ABCA7: variants seen among roughly 807,000 people sequenced by gnomAD.
ABCA7 encodes the protein phospholipid-transporting ATPase ABCA7.
Under a neutral mutation model 227.6 loss-of-function variants are expected in ABCA7, and 261 were observed. The observed-to-expected ratio is 1.15, with a 90% CI of 1.04 to 1.27. The LOEUF is 1.27. Ranked by LOEUF, ABCA7 falls within the 50% of genes most tolerant of loss-of-function variation. The pLI, the probability that ABCA7 is intolerant of heterozygous loss-of-function variation, is 0.00. For missense variants in ABCA7, 3,331 were observed against 2,924.5 expected (o/e 1.14, Z -3.21); for synonymous variants, 1,488 against 1,279.7 (o/e 1.16, Z -3.47).
chr19:1,060,869 C>T (rs1350779777), intron 40 of ABCA7, among the ~76,000 whole-genome samples: 1 of 152,036 alleles, frequency 6.6e-6, no homozygotes, highest in Non-Finnish European at 1.5e-5. Context: ...AACCTCTCTA[C>T]CTTGGGCTGA....
In ABCA7 at chr19:1,045,237, G is replaced by T; in HGVS notation, c.1445+6G>T. 3.7e-6 allele frequency: 6 copies of T among 1,607,528 alleles called. No homozygotes were observed. Among genetic ancestry groups the T allele is most frequent in the Non-Finnish European group, 5.1e-6 (6 of 1,177,838 alleles). ...ACCAATAAGATCAGGGACAGGTCAG[G>T]CGAGGGAGGGGGCGGGGGGATGAGG... On this transcript the variant is annotated splice_donor_region_variant and intron_variant, in intron 12 of 46. Transcript: ENST00000263094.
chr19:1,057,779 A>AG, intron 35 of ABCA7, 136 bp from the exon 36 acceptor site: 1 of 1,193,364 alleles, frequency 8.4e-7, no homozygotes, highest in Non-Finnish European at 1.1e-6. Flanking sequence ...GAGAGAAAGA[A>AG]AAAAAAAAAA....
At chr19:1,062,419 C>T (rs546969605) in intron 42 of ABCA7, 106 bp downstream of exon 42, 2 of 1,506,498 alleles carry the variant, frequency 1.3e-6, no homozygotes, top group Non-Finnish European at 1.8e-6. Flanking sequence ...TTGGCTCCAT[C>T]CCTGTCCCTG....
intron 10 of ABCA7, among the ~76,000 whole-genome samples, chr19:1,044,238 CTT>C (rs4147941): frequency 6.9e-4 from 48 of 69,652 alleles, no homozygotes; most frequent in Non-Finnish European, 9.0e-4. Context: ...CCACGTCCTG[CTT>C]TTTTTTTTTT....
At chr19:1,060,207 A>ATATATATATTTTTTTTT in intron 40 of ABCA7, among the ~76,000 whole-genome samples, 1 of 96,770 alleles carries the variant, frequency 1.0e-5, no homozygotes, top group African/African-American at 3.5e-5. Flanking sequence ...ATATATATAT[A>ATATATATATTTTTTTTT]TTTTTTTTTC....
Position 1,050,997 on chromosome 19 carries a change from G to A in ABCA7, c.2629G>A (p.Ala877Thr), listed in dbSNP as rs74176364. The A allele has an allele frequency of 1.0e-2, 16,100 of 1,612,274 alleles. 388 individuals carry two copies. Among genetic ancestry groups the A allele is most frequent in the Admixed American group, 0.092 (5,542 of 59,950 alleles). ...GGGCCACGACGTCCGCTCCAGCATG[G>A]CCGCCATCCGGCCCCACCTGGGCGT... ...ILGHDVRSSM[A>T]AIRPHLGVCP... The change falls in exon 19 of 47, where the codon GCC becomes ACC. Residue 877 changes from alanine (A) to threonine (T), a missense_variant. Ala to Thr is a moderately conservative substitution (Grantham distance 58). Coordinates refer to ENST00000263094, the MANE Select transcript of ABCA7 (RefSeq NM_019112.4).
Position 1,046,267 on chromosome 19 carries a change from G to A in ABCA7, c.1483G>A (p.Asp495Asn), listed in dbSNP as rs370047554. The A allele has an allele frequency of 1.9e-6, 3 of 1,607,008 alleles. No homozygotes were observed. The highest frequency in any genetic ancestry group is 2.2e-5 in the East Asian group (1 of 44,880). ...DPGPAADPLT[D>N]LRYVWGGFVY... is the part of the protein sequence containing the mutation. ...TGGCCCAGCCGCGGACCCCCTGACC[G>A]ACCTGCGCTACGTGTGGGGCGGCTT... The change falls in exon 13 of 47, where the codon GAC becomes AAC. Residue 495 changes from aspartate (D) to asparagine (N), a missense_variant. Transcript: ENST00000263094.
intron 21 of ABCA7, 142 bp downstream of exon 21, chr19:1,051,728 A>C: frequency 9.5e-7 from 1 of 1,053,202 alleles, no homozygotes; most frequent in South Asian, 1.6e-5. Flanking sequence ...TACTGCTCAA[A>C]TACCGAGACA....
At chr19:1,046,176 GC>G in intron 12 of ABCA7, 53 bp from the exon 13 acceptor site, 5 of 1,584,240 alleles carry the variant, frequency 3.2e-6, no homozygotes, top group Non-Finnish European at 3.4e-6. Flanking sequence ...TCAGGGTGGG[GC>G]CCCGGGAGTT....
At position 1,059,263 on chromosome 19, in the gene ABCA7, A is replaced by ATTTATTTT; in HGVS notation, c.5463+185_5463+186insTTTTATTT. The stretch of plus-strand genomic sequence containing the variant: ...TTATTATATTATTATTTATTTATTT[A>ATTTATTTT]TTTATTTATTTATTTATTTGAGATG... On this transcript the variant is annotated intron_variant, in intron 40 of 46. Transcript: ENST00000263094. The ATTTATTTT allele has an allele frequency of 8.7e-6, 2 of 231,022 alleles. 1 individual carries two copies. The highest frequency in any genetic ancestry group is 1.4e-5 in the Non-Finnish European group (2 of 138,604). 14.3% of individuals were successfully genotyped at this position (231,022 alleles called of 1,614,324 possible).
At chr19:1,053,227 C>T (rs2041932637) in intron 23 of ABCA7, 102 bp from the exon 24 acceptor site, 1 of 1,253,230 alleles carries the variant, frequency 8.0e-7, no homozygotes, top group Non-Finnish European at 1.1e-6. Flanking sequence ...TGATCTCTGT[C>T]TGCCGGGACA....
intron 13 of ABCA7, 39 bp from the exon 14 acceptor site, chr19:1,046,763 G>A (rs1350101993): frequency 2.0e-6 from 3 of 1,522,198 alleles, no homozygotes; most frequent in Admixed American, 2.0e-5. Flanking sequence ...GGGGTCTGCG[G>A]AGGGTCTCCA....
chr19:1,059,238 TTATTA>T (rs1157517718), intron 40 of ABCA7, 153 bp downstream of exon 40: 1 of 323,806 alleles, frequency 3.1e-6, no homozygotes, highest in Non-Finnish European at 5.1e-6. Context: ...TATTTTTATT[TTATTA>T]TATTATTATT....
intron 35 of ABCA7, 138 bp downstream of exon 35, chr19:1,057,567 T>C: frequency 1.1e-6 from 1 of 900,082 alleles, no homozygotes; most frequent in Non-Finnish European, 1.7e-6. Flanking sequence ...TGTGATCCAA[T>C]TCAGTGGTGT....
At position 1,047,642 on chromosome 19, in the gene ABCA7, G is replaced by A. The variant is rs1169343418; in HGVS notation, c.2257G>A (p.Ala753Thr). Reference sequence around the variant, plus strand: ...CGGCCTCGCCACCTGGTACCTGGAAGCTGTGTGCCCAGGTGGGCCGTAGGG... The same window carrying A: ...CGGCCTCGCCACCTGGTACCTGGAAACTGTGTGCCCAGGTGGGCCGTAGGG... ...LYGLATWYLEAVCPGQYGIPE... is the reference protein window; with the variant it reads ...LYGLATWYLETVCPGQYGIPE... Residue 753 changes from alanine (A) to threonine (T), a missense_variant, in exon 16 of 47, where the codon GCT (alanine) becomes ACT (threonine). Coordinates refer to ENST00000263094, the MANE Select transcript of ABCA7 (RefSeq NM_019112.4). The A allele has an allele frequency of 1.3e-6, 2 of 1,596,870 alleles. No individual in the cohort carries two copies. The highest frequency in any genetic ancestry group is 1.7e-6 in the Non-Finnish European group (2 of 1,176,494).
At position 1,046,317 on chromosome 19, in the gene ABCA7, G is replaced by C. The variant is rs758858591; in HGVS notation, c.1533G>C (p.Glu511Asp). 8 of 1,604,320 alleles carry C rather than the reference G, an allele frequency of 5.0e-6. No homozygotes were observed. The highest frequency in any genetic ancestry group is 6.8e-6 in the Non-Finnish European group (8 of 1,179,422). The change falls in exon 13 of 47, where the codon GAG becomes GAC. Residue 511 changes from glutamate (E) to aspartate (D), a missense_variant. Transcript: ENST00000263094. ...GGFVYLQDLV[E>D]RAAVRVLSGA... Reference sequence around the variant, plus strand: ...TCGTGTACCTGCAAGACCTGGTGGAGCGTGCAGCCGTCCGCGTGCTCAGCG... The same window carrying C: ...TCGTGTACCTGCAAGACCTGGTGGACCGTGCAGCCGTCCGCGTGCTCAGCG...
At chr19:1,046,170 G>T in intron 12 of ABCA7, 60 bp from the exon 13 acceptor site, 5 of 1,577,660 alleles carry the variant, frequency 3.2e-6, no homozygotes. Context: ...GGTTATTCAG[G>T]GTGGGGCCCC....
rs777204942 is a variant in ABCA7 at position 1,053,414 on chromosome 19, G to A, written c.3306G>A (p.Val1102=). Residue 1102 remains valine (V), a synonymous_variant, in exon 24 of 47, where the codon GTG becomes GTA. Coordinates refer to ENST00000263094, the MANE Select transcript of ABCA7 (RefSeq NM_019112.4). The part of the protein sequence containing the change: ...VEELPHELVL[V]LPYTGAHDGS... Reference sequence around the variant, plus strand: ...AGCTGCCACACGAGCTGGTGCTGGTGCTGCCCTACACGGGTGCCCATGACG... The same window carrying A: ...AGCTGCCACACGAGCTGGTGCTGGTACTGCCCTACACGGGTGCCCATGACG... 1.3e-5 allele frequency: 21 copies of A among 1,607,924 alleles called. No individual in the cohort carries two copies. Among genetic ancestry groups the A allele is most frequent in the Non-Finnish European group, 1.8e-5 (21 of 1,178,674 alleles).
In ABCA7 at chr19:1,045,199, C is replaced by G; in HGVS notation, c.1413C>G (p.Asp471Glu). ...GCATCAAAATCCGCATGGACATTGA[C>G]GTGGTCACGAGGACCAATAAGATCA... is the stretch of plus-strand genomic sequence containing the variant. ...HVRIKIRMDI[D>E]VVTRTNKIRD... is the part of the protein sequence containing the mutation. Residue 471 changes from aspartate to glutamate, a missense_variant, in exon 12 of 47, where the codon GAC becomes GAG. Asp to Glu is a conservative substitution (Grantham distance 45, BLOSUM62 2). Transcript: ENST00000263094. The G allele has an allele frequency of 6.7e-7, 1 of 1,500,368 alleles. No individual in the cohort carries two copies. Among genetic ancestry groups the G allele is most frequent in the Non-Finnish European group, 9.0e-7 (1 of 1,108,360 alleles). The allele number at this position is 1,500,368 out of a possible 1,614,324, so 92.9% of individuals were successfully genotyped here.
Sources: allele counts gnomAD v4.1 joint callset (sites outside exome capture counted in the v4.1 genomes callset), GRCh38; gene constraint gnomAD v4.1.1; transcripts MANE v1.5; gene names NCBI Gene and HGNC (gene_info 2026-07-23, HGNC 2026-07-21).